Variants in EXOC2 observed in about 807,000 individuals in gnomAD.
The protein encoded by EXOC2 is exocyst complex component 2, also known as SEC5-like 1.
In EXOC2, 70 loss-of-function variants were observed where a neutral mutation model predicts 131.8. The ratio of observed to expected loss-of-function variants is 0.53; its 90% confidence interval spans 0.44 to 0.65. The LOEUF is 0.65. Ranked by LOEUF, EXOC2 falls within the 30% of genes least tolerant of loss-of-function variation. EXOC2 has a pLI of 0.00. For synonymous variants in EXOC2, 411 were observed against 398.4 expected, an observed-to-expected ratio of 1.03 and a Z score of -0.38; for missense variants, 923 against 1,108.6, an observed-to-expected ratio of 0.83 and a Z score of 2.38.
chr6:564,176 C>T (rs753458086), intron 15 of EXOC2, 22 bp from the exon 16 acceptor site: 12 of 1,611,500 alleles, frequency 7.4e-6, no homozygotes, highest in Admixed American at 6.7e-5. Context: ...CACATCCAAA[C>T]AGAAGTGAGC....
chr6:556,703 TCTC>T (rs1362212629), intron 17 of EXOC2, 139 bp from the exon 18 acceptor site: 30 of 854,640 alleles, frequency 3.5e-5, no homozygotes, highest in Non-Finnish European at 5.6e-6. Flanking sequence ...TGAAAAGTCA[TCTC>T]CTAGTCATTG....
chr6:541,755 A>G (rs1010085129), intron 22 of EXOC2, among the ~76,000 whole-genome samples: 1 of 152,232 alleles, frequency 6.6e-6, no homozygotes, highest in African/African-American at 2.4e-5. Flanking sequence ...AAAAAGCTGG[A>G]TGGTTCTATA....
intron 20 of EXOC2, among the ~76,000 whole-genome samples, chr6:554,902 CT>C (rs1379873250): frequency 6.6e-6 from 1 of 152,152 alleles, no homozygotes; most frequent in African/African-American, 2.4e-5. Flanking sequence ...GTGCCTCCCC[CT>C]AACACCAGAA....
chr6:631,254 T>C (rs917873583), intron 3 of EXOC2, among the ~76,000 whole-genome samples: 3 of 152,186 alleles, frequency 2.0e-5, no homozygotes, highest in Non-Finnish European at 4.4e-5. Flanking sequence ...AAGAAAGCTT[T>C]ACTGGCCGGG....
rs564498780 is a variant in EXOC2 at position 619,510 on chromosome 6, T to C, written c.456A>G (p.Leu152=). ...TAAAATCAGCACTCATTCCATGGAA[T>C]AGCATTTCTAAGTCCTTCTGCGAAA... The part of the protein sequence containing the change: ...SKFSQKDLEM[L]FHGMSADFTS... The change falls in exon 5 of 28, where the codon CTA becomes CTG. Residue 152 remains leucine, a synonymous_variant. Coordinates refer to ENST00000230449, the MANE Select transcript of EXOC2 (RefSeq NM_018303.6). The C allele has an allele frequency of 2.0e-5, 33 of 1,614,036 alleles. No individual in the cohort carries two copies. Among genetic ancestry groups the C allele is most frequent in the South Asian group, 1.1e-4 (10 of 91,082 alleles).
intron 5 of EXOC2, among the ~76,000 whole-genome samples, chr6:618,339 G>A (rs1581567739): frequency 6.6e-6 from 1 of 152,180 alleles, no homozygotes; most frequent in Admixed American, 6.5e-5. Flanking sequence ...CCTGTGGGTC[G>A]ATTCACAACT....
At chr6:627,438 T>C (rs1486055809) in intron 4 of EXOC2, among the ~76,000 whole-genome samples, 1 of 152,198 alleles carries the variant, frequency 6.6e-6, no homozygotes, top group Non-Finnish European at 1.5e-5. Context: ...TGACTGGATG[T>C]CTGTTCACGG....
intron 12 of EXOC2, among the ~76,000 whole-genome samples, chr6:573,074 G>A (rs1758375180): frequency 2.0e-5 from 3 of 152,240 alleles, no homozygotes; most frequent in Non-Finnish European, 2.9e-5. Context: ...ATCAGCCTGT[G>A]AGAAATGCCA....
At chr6:634,111 G>A (rs1761987218) in intron 2 of EXOC2, among the ~76,000 whole-genome samples, 1 of 151,826 alleles carries the variant, frequency 6.6e-6, no homozygotes, top group Non-Finnish European at 1.5e-5. Context: ...TGTTGCCCAG[G>A]CTGGAATGCA....
In EXOC2 at chr6:507,251, A is replaced by C. The variant is rs570449989; in HGVS notation, c.2381-7551T>G. ...ACACACACACAGCAGTGACCCCCCC[A>C]CACACACACAGCAGTGACTACACAC... On this transcript the variant is annotated intron_variant, in intron 23 of 27. Transcript: ENST00000230449. Among the ~76,000 whole-genome samples, 526 of 81,414 alleles carry C rather than the reference A, an allele frequency of 6.5e-3. 20 individuals carry two copies. Among genetic ancestry groups the C allele is most frequent in the African/African-American group, 0.022 (398 of 17,926 alleles). The allele number at this position is 81,414 out of a possible 152,430, so 53.4% of individuals were successfully genotyped here.
intron 11 of EXOC2, among the ~76,000 whole-genome samples, chr6:584,184 G>T (rs900354752): frequency 2.0e-5 from 3 of 152,116 alleles, no homozygotes; most frequent in Admixed American, 1.3e-4. Context: ...AAAATTCAAT[G>T]AATCTGCTAA....
In EXOC2 at chr6:541,956, T is replaced by G. The variant is rs570957815; in HGVS notation, c.2238+7219A>C. 9.2e-5 allele frequency among the ~76,000 whole-genome samples: 14 copies of G among 152,290 alleles called. No homozygotes were observed. The East Asian group carries it at 2.5e-3, about 27-fold the overall frequency. On this transcript the variant is annotated intron_variant, in intron 22 of 27. Transcript: ENST00000230449. Reference sequence around the variant, plus strand: ...ATGTTACAAACGAGCATGACCTACATGCTACAACATGGATACATCTCAAAA... The same window carrying G: ...ATGTTACAAACGAGCATGACCTACAGGCTACAACATGGATACATCTCAAAA...
rs751860457 is a variant in EXOC2, at chr6:619,563, A to C, written c.423-20T>G. 4.5e-6 allele frequency: 7 copies of C among 1,558,694 alleles called. No homozygotes were observed. In the Admixed American group the frequency reaches 1.2e-4, roughly 26 times the overall value. ...TTACTTCTGAGGGGAAAAAACGTTT[A>C]AAATATATTTCAATGGTTATTATGA... is the stretch of plus-strand genomic sequence containing the variant. On this transcript the variant is annotated intron_variant, in intron 4 of 27. Coordinates refer to ENST00000230449, the MANE Select transcript of EXOC2 (RefSeq NM_018303.6).
chr6:572,609 C>A lies in EXOC2; in HGVS notation c.1354G>T (p.Val452Phe). The A allele has an allele frequency of 4.3e-6, 7 of 1,614,108 alleles. No homozygotes were observed. The highest frequency in any genetic ancestry group is 5.9e-6 in the Non-Finnish European group (7 of 1,180,018). ...RYKTPHRVAFVEKLTKLVLSQ... is the reference protein window; with the variant it reads ...RYKTPHRVAFFEKLTKLVLSQ... Reference sequence around the variant, plus strand: ...AAGACGAGTTTTGTCAATTTTTCAACAAAGGCCACCCTGTGGGGAGTTTTG... The same window carrying A: ...AAGACGAGTTTTGTCAATTTTTCAAAAAAGGCCACCCTGTGGGGAGTTTTG... Residue 452 changes from valine to phenylalanine, a missense_variant, in exon 13 of 28, where the codon GTT becomes TTT. Coordinates refer to ENST00000230449, the MANE Select transcript of EXOC2 (RefSeq NM_018303.6).
At position 633,120 on chromosome 6, in the gene EXOC2, G is replaced by A. The variant is rs770315082; in HGVS notation, c.119-3C>T. 2 of 1,611,634 alleles carry A rather than the reference G, an allele frequency of 1.2e-6. No individual in the cohort carries two copies. Among genetic ancestry groups the A allele is most frequent in the Non-Finnish European group, 1.7e-6 (2 of 1,179,856 alleles). ...ATTATGTCCACAAATGGTCAAGCCTGAAAATAAACGCATGTGCATAACAAA... is the reference window on the plus strand; with the variant it reads ...ATTATGTCCACAAATGGTCAAGCCTAAAAATAAACGCATGTGCATAACAAA... On this transcript the variant is annotated splice_region_variant and splice_polypyrimidine_tract_variant and intron_variant, in intron 2 of 27. Transcript: ENST00000230449.
chr6:489,254 C>G (rs906287863), intron 26 of EXOC2, among the ~76,000 whole-genome samples: 2 of 152,074 alleles, frequency 1.3e-5, no homozygotes, highest in African/African-American at 4.8e-5. Flanking sequence ...CAGAAAAACT[C>G]AAATAGGAAA....
chr6:661,111 A>G (rs994883268), intron 1 of EXOC2, among the ~76,000 whole-genome samples: 2 of 152,338 alleles, frequency 1.3e-5, no homozygotes, highest in East Asian at 1.9e-4. Context: ...AAAAAAGAAT[A>G]AGAAAATATG....
chr6:550,473 G>A (rs577212854), intron 21 of EXOC2, among the ~76,000 whole-genome samples: 20 of 152,156 alleles, frequency 1.3e-4, no homozygotes, highest in African/African-American at 4.8e-4. Context: ...CCTGTTTCTA[G>A]TCATCAACAA....
intron 21 of EXOC2, among the ~76,000 whole-genome samples, chr6:550,038 T>A (rs972512073): frequency 1.3e-5 from 2 of 152,218 alleles, no homozygotes; most frequent in African/African-American, 4.8e-5. Context: ...AGTTCAAGAC[T>A]ACCTGGTAAA....
Sources: allele counts gnomAD v4.1 joint callset (sites outside exome capture counted in the v4.1 genomes callset), GRCh38; gene constraint gnomAD v4.1.1; transcripts MANE v1.5; gene names NCBI Gene and HGNC (gene_info 2026-07-23, HGNC 2026-07-21).